DAB1: variants seen among roughly 807,000 people sequenced by gnomAD.
The protein encoded by DAB1 is DAB adaptor protein 1.
In DAB1, 15 loss-of-function variants were observed where a neutral mutation model predicts 64.6. That is an observed-to-expected ratio of 0.23 (90% CI 0.16 to 0.36). The LOEUF (loss-of-function observed/expected upper bound fraction) is 0.36. Ranked by LOEUF, DAB1 falls within the 10% of genes least tolerant of loss-of-function variation. The pLI, the probability that DAB1 is intolerant of heterozygous loss-of-function variation, is 1.00. For missense variants in DAB1, 596 were observed against 706.7 expected (o/e 0.84, Z 1.78); for synonymous variants, 235 against 251.9 (o/e 0.93, Z 0.64).
At chr1:57,570,603 A>G (rs1400635448) in intron 7 of DAB1, among the ~76,000 whole-genome samples, 1 of 152,144 alleles carries the variant, frequency 6.6e-6, no homozygotes, top group Non-Finnish European at 1.5e-5. Flanking sequence ...GAAGTCGGGT[A>G]ATGTGATGCC....
chr1:57,323,047 A>ATTTTTTTT (rs10671263), intron 1 of DAB1, among the ~76,000 whole-genome samples: 5 of 151,560 alleles, frequency 3.3e-5, no homozygotes, highest in African/African-American at 1.2e-4. Context: ...GAGTTCTGAG[A>ATTTTTTTT]TTTTTTTTTG....
At chr1:58,228,980 C>T in intron 4 of DAB1, 1 of 441,570 alleles carries the variant, frequency 2.3e-6, no homozygotes, top group South Asian at 2.0e-5. Flanking sequence ...CATGCTCCAC[C>T]AGCCCGAAGC....
At chr1:57,661,014 G>A (rs890321166) in intron 6 of DAB1, among the ~76,000 whole-genome samples, 3 of 152,058 alleles carry the variant, frequency 2.0e-5, no homozygotes, top group Admixed American at 6.5e-5. Context: ...AGATACAAAC[G>A]AATAATTCAA....
chr1:57,290,811 T>C (rs1369684367), intron 2 of DAB1, among the ~76,000 whole-genome samples, 153 bp downstream of exon 2: 1 of 152,156 alleles, frequency 6.6e-6, no homozygotes, highest in Non-Finnish European at 1.5e-5. Flanking sequence ...TGATGAACCA[T>C]TACATTATTA....
rs181751975 is a variant in DAB1 at position 57,594,901 on chromosome 1, G to A, written n.625+54691C>T. On this transcript the variant is annotated intron_variant and non_coding_transcript_variant, in intron 7 of 20. Transcript: ENST00000485760. ...AATTTTTTGTATTTGTAGTAGAGAC[G>A]GGGTTTCACTGTATTAGCCAGGATG... 3.5e-4 allele frequency among the ~76,000 whole-genome samples: 53 copies of A among 151,966 alleles called. No individual in the cohort carries two copies. In the East Asian group the frequency reaches 9.6e-3, roughly 27 times the overall value.
At chr1:58,354,944 T>G (rs1644096029) in intron 3 of DAB1, among the ~76,000 whole-genome samples, 1 of 152,162 alleles carries the variant, frequency 6.6e-6, no homozygotes, top group South Asian at 2.1e-4. Flanking sequence ...ATCTTCCCCC[T>G]CTAAGTTAGT....
chr1:57,459,073 A>T (rs1686695859), intron 7 of DAB1, among the ~76,000 whole-genome samples: 1 of 152,084 alleles, frequency 6.6e-6, no homozygotes, highest in Non-Finnish European at 1.5e-5. Flanking sequence ...TATAAACTTA[A>T]TTTTTCTAAA....
chr1:58,091,935 A>AACACACACACACACACAC (rs59390109), intron 5 of DAB1, among the ~76,000 whole-genome samples: 1,440 of 141,874 alleles, frequency 0.01, 22 homozygotes, highest in African/African-American at 0.037. Context: ...AGCTGCATTA[A>AACACACACACACACACAC]ACACACACAC....
At chr1:58,305,978 AC>A (rs551601188) in intron 4 of DAB1, among the ~76,000 whole-genome samples, 41 of 147,858 alleles carry the variant, frequency 2.8e-4, no homozygotes, top group African/African-American at 9.4e-4. Context: ...TGACAGGAGC[AC>A]CCCCCCACCC....
At chr1:57,382,794 A>G (rs574073486) in intron 1 of DAB1, among the ~76,000 whole-genome samples, 6 of 152,266 alleles carry the variant, frequency 3.9e-5, no homozygotes, top group African/African-American at 1.2e-4. Context: ...AGGTCCTTAT[A>G]TTAATGGTAT....
At chr1:57,861,761 G>C (rs964902055) in intron 1 of DAB1, among the ~76,000 whole-genome samples, 39 of 148,562 alleles carry the variant, frequency 2.6e-4, no homozygotes, top group Non-Finnish European at 4.9e-4. Flanking sequence ...ATATAACATA[G>C]TATATATGTA....
rs57187253 is a variant in DAB1, at chr1:58,415,152, T to C, written n.258-71749A>G. On this transcript the variant is annotated intron_variant and non_coding_transcript_variant, in intron 3 of 20. Coordinates refer to the DAB1 transcript ENST00000485760. ...ATAGGAAGAGGAAGATCTGTCCCCCTCTCTCTCTCTCTGAATGCATGCACC... is the reference window on the plus strand; with the variant it reads ...ATAGGAAGAGGAAGATCTGTCCCCCCCTCTCTCTCTCTGAATGCATGCACC... Among the ~76,000 whole-genome samples, 639 of 149,814 alleles carry C rather than the reference T, an allele frequency of 4.3e-3. 3 individuals are homozygous for C. Among genetic ancestry groups the C allele is most frequent in the African/African-American group, 0.015 (612 of 41,238 alleles).
intron 9 of DAB1, among the ~76,000 whole-genome samples, chr1:57,058,448 T>C (rs553234033): frequency 6.6e-6 from 1 of 152,360 alleles, no homozygotes; most frequent in Admixed American, 6.5e-5. Flanking sequence ...CATTTATTTT[T>C]ATTCATTCAT....
intron 4 of DAB1, among the ~76,000 whole-genome samples, chr1:58,205,287 T>C (rs894048953): frequency 2.0e-5 from 3 of 152,214 alleles, no homozygotes; most frequent in Admixed American, 6.5e-5. Flanking sequence ...AGTACTATTC[T>C]ATTCTGCAAA....
intron 2 of DAB1, among the ~76,000 whole-genome samples, chr1:57,280,705 A>C (rs1229593084): frequency 6.6e-6 from 1 of 152,214 alleles, no homozygotes; most frequent in African/African-American, 2.4e-5. Context: ...AAATTACAGC[A>C]CCAGACATGA....
At chr1:57,215,971 C>T (rs1237984505) in intron 2 of DAB1, among the ~76,000 whole-genome samples, 3 of 152,192 alleles carry the variant, frequency 2.0e-5, no homozygotes, top group Non-Finnish European at 2.9e-5. Flanking sequence ...TAGGCCCCAA[C>T]TGATTGGAGG....
At chr1:57,060,074 T>C (rs189676695) in intron 9 of DAB1, among the ~76,000 whole-genome samples, 135 of 152,170 alleles carry the variant, frequency 8.9e-4, no homozygotes, top group African/African-American at 3.2e-3. Flanking sequence ...CTTTCTTAAT[T>C]CTACCAGGGA....
At chr1:57,262,573 G>A (rs1670262467) in intron 2 of DAB1, among the ~76,000 whole-genome samples, 1 of 152,206 alleles carries the variant, frequency 6.6e-6, no homozygotes, top group Non-Finnish European at 1.5e-5. Context: ...CCCAAAGTCA[G>A]TGATTTTACT....
chr1:57,611,593 AC>A (rs919565897), intron 7 of DAB1, among the ~76,000 whole-genome samples: 126 of 152,090 alleles, frequency 8.3e-4, no homozygotes, highest in African/African-American at 2.7e-3. Flanking sequence ...CTCTGAATTC[AC>A]CCTTTCATCC....
Sources: allele counts gnomAD v4.1 joint callset (sites outside exome capture counted in the v4.1 genomes callset), GRCh38; gene constraint gnomAD v4.1.1; transcripts MANE v1.5; gene names NCBI Gene and HGNC (gene_info 2026-07-23, HGNC 2026-07-21).